Variants in OPCML observed in about 807,000 individuals in gnomAD.
The protein encoded by OPCML is opioid-binding protein/cell adhesion molecule.
Under a neutral mutation model 37.8 loss-of-function variants are expected in OPCML, and 13 were observed. The ratio of observed to expected loss-of-function variants is 0.34; its 90% CI spans 0.22 to 0.55. The LOEUF (loss-of-function observed/expected upper bound fraction) is 0.55. OPCML is among the 20% of genes least tolerant of loss of function. The pLI, the probability that OPCML is intolerant of heterozygous loss-of-function variation, is 0.91. For synonymous variants in OPCML, 176 were observed against 168.8 expected, an observed-to-expected ratio of 1.04 and a Z score of -0.33; for missense variants, 341 against 435.6, an observed-to-expected ratio of 0.78 and a Z score of 1.93.
At chr11:133,125,398 A>G (rs1240209727) in intron 1 of OPCML, among the ~76,000 whole-genome samples, 1 of 151,886 alleles carries the variant, frequency 6.6e-6, no homozygotes, top group African/African-American at 2.4e-5. Context: ...ACATTCTAGC[A>G]CTTACTGCAT....
At chr11:133,260,929 G>A (rs191987629) in intron 1 of OPCML, among the ~76,000 whole-genome samples, 2 of 152,256 alleles carry the variant, frequency 1.3e-5, no homozygotes, top group East Asian at 3.9e-4. Flanking sequence ...AAAAGGTGGA[G>A]GACAGAGGCA....
chr11:133,396,847 A>G (rs1394930591), intron 1 of OPCML, among the ~76,000 whole-genome samples: 1 of 152,120 alleles, frequency 6.6e-6, no homozygotes, highest in Non-Finnish European at 1.5e-5. Flanking sequence ...TTCCCATCCA[A>G]AAAGTGATCC....
intron 1 of OPCML, among the ~76,000 whole-genome samples, chr11:133,214,488 G>A (rs1939503872): frequency 6.6e-6 from 1 of 151,774 alleles, no homozygotes. Context: ...TAATGTTCAG[G>A]TTTTGAAAAA....
intron 1 of OPCML, among the ~76,000 whole-genome samples, chr11:133,458,768 C>CGTGTGTGTATATACACATAGATGCACGT (rs71038530): frequency 0.19 from 4,324 of 23,270 alleles, 490 homozygotes; most frequent in South Asian, 0.35. Context: ...CATAGATGCA[C>CGTGTGTGTATATACACATAGATGCACGT]GTGTGTGTAT....
intron 2 of OPCML, among the ~76,000 whole-genome samples, chr11:132,748,405 CA>C (rs1945714287): frequency 6.6e-6 from 1 of 152,156 alleles, no homozygotes; most frequent in Non-Finnish European, 1.5e-5. Context: ...GCCGTGACTA[CA>C]AAAGAGTGCC....
chr11:133,506,315 A>T (rs1309035958), intron 1 of OPCML, among the ~76,000 whole-genome samples: 1 of 152,198 alleles, frequency 6.6e-6, no homozygotes, highest in Non-Finnish European at 1.5e-5. Context: ...GAGTAGAACA[A>T]AGAACTCCCC....
chr11:132,878,047 T>C (rs908586666), intron 2 of OPCML, among the ~76,000 whole-genome samples: 1 of 152,286 alleles, frequency 6.6e-6, no homozygotes, highest in South Asian at 2.1e-4. Context: ...CTGGCTGTGG[T>C]GGCACATGCC....
chr11:133,432,232 A>G (rs1946137283), intron 1 of OPCML, among the ~76,000 whole-genome samples: 1 of 152,194 alleles, frequency 6.6e-6, no homozygotes, highest in Non-Finnish European at 1.5e-5. Context: ...AACCTAAAAT[A>G]AAAGTTGGAA....
chr11:132,948,817 A>T (rs1030662401), intron 1 of OPCML, among the ~76,000 whole-genome samples: 2 of 152,210 alleles, frequency 1.3e-5, no homozygotes, highest in Non-Finnish European at 2.9e-5. Context: ...ACGATTTGTG[A>T]CATAAAAAAA....
At chr11:132,583,016 T>C (rs79842435) in intron 3 of OPCML, among the ~76,000 whole-genome samples, 13,310 of 151,896 alleles carry the variant, frequency 0.088, 1,219 homozygotes, top group African/African-American at 0.22. Context: ...GCAAAATCAA[T>C]AGGAAAATGT....
At chr11:133,079,348 A>G (rs1470368849) in intron 1 of OPCML, among the ~76,000 whole-genome samples, 2 of 152,170 alleles carry the variant, frequency 1.3e-5, no homozygotes, top group African/African-American at 4.8e-5. Flanking sequence ...GGCATTGACC[A>G]TGCAGGAATG....
At chr11:133,458,159 T>C (rs539878458) in intron 1 of OPCML, among the ~76,000 whole-genome samples, 1 of 149,174 alleles carries the variant, frequency 6.7e-6, no homozygotes, top group East Asian at 2.0e-4. Context: ...AAAAAATATA[T>C]ATATACATAT....
chr11:133,173,848 C>T lies in OPCML; in HGVS notation c.62-230838G>A, dbSNP rs533848607. ...AGATGCAGGCCTTGAGTTTATGAGG[C>T]AAATAATGAAGTTGATAAATGGGTC... On this transcript the variant is annotated intron_variant, in intron 1 of 7. Coordinates refer to ENST00000524381, the MANE Select transcript of OPCML (RefSeq NM_001012393.5). The surrounding 1 kb of genome is among the most constrained non-coding windows in gnomAD (Gnocchi z 7.8). Among the ~76,000 whole-genome samples, 4 of 152,070 alleles carry T rather than the reference C, an allele frequency of 2.6e-5. No individual in the cohort carries two copies. In the South Asian group the frequency reaches 6.2e-4, roughly 24 times the overall value.
chr11:132,503,975 CT>C (rs1221202764), intron 4 of OPCML, among the ~76,000 whole-genome samples: 2 of 151,966 alleles, frequency 1.3e-5, no homozygotes, highest in African/African-American at 4.8e-5. Context: ...TTTTATGCAC[CT>C]TTGTTAAAAG....
chr11:132,690,539 T>C (rs1439046497), intron 2 of OPCML, among the ~76,000 whole-genome samples: 4 of 152,202 alleles, frequency 2.6e-5, no homozygotes, highest in Non-Finnish European at 5.9e-5. Context: ...TTTCTTTCTC[T>C]CTGAGTACCA....
chr11:133,092,161 C>T (rs1032056101), intron 1 of OPCML, among the ~76,000 whole-genome samples: 1 of 152,086 alleles, frequency 6.6e-6, no homozygotes, highest in Admixed American at 6.6e-5. Context: ...GAGGAGGCAA[C>T]GGGGCACTAC....
chr11:132,638,186 T>TATATATATACATATATAC (rs71067383), intron 3 of OPCML, among the ~76,000 whole-genome samples: 1 of 131,020 alleles, frequency 7.6e-6, no homozygotes, highest in African/African-American at 2.8e-5. Flanking sequence ...TATATATATA[T>TATATATATACATATATAC]ACAGAGAGAG....
chr11:132,484,618 C>T (rs1461254215), intron 4 of OPCML, among the ~76,000 whole-genome samples: 2 of 152,214 alleles, frequency 1.3e-5, no homozygotes, highest in East Asian at 3.9e-4. Context: ...CACATGCACA[C>T]CTATGTTTAT....
Position 132,636,084 on chromosome 11 carries a change from G to T in OPCML, c.379+21003C>A, listed in dbSNP as rs138247185. Among the ~76,000 whole-genome samples the T allele has an allele frequency of 1.5e-3, 223 of 152,284 alleles. 1 individual carries two copies. Among genetic ancestry groups the T allele is most frequent in the African/African-American group, 5.0e-3 (208 of 41,570 alleles). On this transcript the variant is annotated intron_variant, in intron 3 of 7. Transcript: ENST00000524381. Reference sequence around the variant, plus strand: ...TGCCTGATTGTGTATGCAAATGAGTGTTTTGCGCACCCAGTTACCTGCTTG... The same window carrying T: ...TGCCTGATTGTGTATGCAAATGAGTTTTTTGCGCACCCAGTTACCTGCTTG...
Sources: allele counts gnomAD v4.1 joint callset (sites outside exome capture counted in the v4.1 genomes callset), GRCh38; gene constraint gnomAD v4.1.1; non-coding constraint Gnocchi (gnomAD v3.1); transcripts MANE v1.5; gene names NCBI Gene and HGNC (gene_info 2026-07-23, HGNC 2026-07-21).